SIAH2: variants seen among roughly 807,000 people sequenced by gnomAD.
SIAH2 encodes siah E3 ubiquitin protein ligase 2.
In SIAH2, 4 loss-of-function variants were observed where a neutral mutation model predicts 20.4. The ratio of observed to expected loss-of-function variants is 0.20; its 90% CI spans 0.10 to 0.45. The LOEUF is 0.45. SIAH2 is among the 20% of genes least tolerant of loss of function. SIAH2 has a pLI of 0.99. For synonymous variants in SIAH2, 171 were observed against 192.5 expected, an observed-to-expected ratio of 0.89 and a Z score of 0.93; for missense variants, 259 against 440.3, an observed-to-expected ratio of 0.59 and a Z score of 3.69.
At position 150,745,476 on chromosome 3, in the gene SIAH2, T is replaced by C. The variant is rs566148795; in HGVS notation, c.418-2778A>G. 2.6e-5 allele frequency among the ~76,000 whole-genome samples: 4 copies of C among 152,006 alleles called. No homozygotes were observed. In the East Asian group the frequency reaches 7.7e-4, roughly 29 times the overall value. On this transcript the variant is annotated intron_variant, in intron 1 of 1. Transcript: ENST00000312960. ...AGCAAAGCCAAGTCTCACTGGCCCCTGGCCTTGGGCTTGTGTTTTCTTTTC... is the reference window on the plus strand; with the variant it reads ...AGCAAAGCCAAGTCTCACTGGCCCCCGGCCTTGGGCTTGTGTTTTCTTTTC...
intron 1 of SIAH2, among the ~76,000 whole-genome samples, chr3:150,746,349 T>C (rs985414036): frequency 2.6e-5 from 4 of 152,048 alleles, no homozygotes; most frequent in African/African-American, 4.8e-5. Context: ...TGAGCTGAGA[T>C]CGTGCCACTG....
intron 1 of SIAH2, among the ~76,000 whole-genome samples, chr3:150,746,161 C>T (rs551805604): frequency 1.3e-5 from 2 of 152,116 alleles, no homozygotes; most frequent in South Asian, 2.1e-4. Flanking sequence ...GGGTAGGCTG[C>T]GGCAGGTGGA....
At chr3:150,760,455 A>G (rs923552693) in intron 1 of SIAH2, among the ~76,000 whole-genome samples, 6 of 152,068 alleles carry the variant, frequency 3.9e-5, no homozygotes, top group South Asian at 4.1e-4. Context: ...TCCCAGAACT[A>G]CTCTTCAAGG....
intron 1 of SIAH2, among the ~76,000 whole-genome samples, chr3:150,751,465 C>T (rs1385114857): frequency 6.6e-6 from 1 of 151,990 alleles, no homozygotes; most frequent in African/African-American, 2.4e-5. Context: ...ACCAATAGTG[C>T]AGTAACAGTT....
intron 1 of SIAH2, among the ~76,000 whole-genome samples, chr3:150,745,758 G>A (rs1337470988): frequency 3.3e-5 from 5 of 152,128 alleles, no homozygotes; most frequent in Non-Finnish European, 7.4e-5. Flanking sequence ...GCCTCCCAAA[G>A]TGCTGGGATT....
intron 1 of SIAH2, among the ~76,000 whole-genome samples, chr3:150,754,935 A>G (rs566878309): frequency 7.4e-4 from 112 of 152,312 alleles, no homozygotes; most frequent in Admixed American, 3.7e-3. Context: ...TCATTGGGAA[A>G]ATCTATGGGA....
Position 150,762,843 on chromosome 3 carries a change from G to T in SIAH2, c.7C>A (p.Arg3Ser). 8.3e-7 allele frequency: 1 copy of T among 1,210,182 alleles called. No individual in the cohort carries two copies. Among genetic ancestry groups the T allele is most frequent in the Non-Finnish European group, 1.0e-6 (1 of 960,154 alleles). 75.0% of individuals were successfully genotyped at this position (1,210,182 alleles called of 1,614,324 possible). The change falls in exon 1 of 2, where the codon CGC becomes AGC. Residue 3 changes from arginine (R) to serine (S), a missense_variant. Physicochemically the swap from Arg to Ser is moderately radical, Grantham distance 110. Around this residue, in one of 2 missense-constraint regions of SIAH2, gnomAD observed 99 missense variants for 112.7 expected, o/e 0.88. Coordinates refer to ENST00000312960, the MANE Select transcript of SIAH2 (RefSeq NM_005067.7). The surrounding 1 kb of genome is among the most constrained non-coding windows in gnomAD (Gnocchi z 6.6). The stretch of plus-strand genomic sequence containing the variant: ...GCGCTGGGGCCGGTGGAGGACGGGC[G>T]GCTCATCGCGCTCCGAACCAACCAT... MS[R>S]PSSTGPSANK...
chr3:150,760,412 C>T (rs1278059079), intron 1 of SIAH2, among the ~76,000 whole-genome samples: 1 of 152,218 alleles, frequency 6.6e-6, no homozygotes, highest in Non-Finnish European at 1.5e-5. Context: ...CAGAAAACCA[C>T]TGACATGTAC....
chr3:150,762,348 G>C lies in SIAH2; in HGVS notation c.417+85C>G. On this transcript the variant is annotated intron_variant, in intron 1 of 1. Coordinates refer to ENST00000312960, the MANE Select transcript of SIAH2 (RefSeq NM_005067.7). This position sits in a 1 kb window ranked among gnomAD's most constrained non-coding sequence, Gnocchi z 6.6. ...TTTTTTTAAATGAGAGATGCCGCCC[G>C]CCTCTCCGGGCCTGCGAGTGGGCTG... The C allele has an allele frequency of 6.7e-7, 1 of 1,498,968 alleles. No individual in the cohort carries two copies. Among genetic ancestry groups the C allele is most frequent in the Non-Finnish European group, 8.9e-7 (1 of 1,128,612 alleles). The allele number at this position is 1,498,968 out of a possible 1,614,324, so 92.9% of individuals were successfully genotyped here.
intron 1 of SIAH2, among the ~76,000 whole-genome samples, chr3:150,747,787 AAAAAAC>A (rs542369842): frequency 1.4e-4 from 22 of 152,006 alleles, no homozygotes; most frequent in African/African-American, 4.8e-4. Flanking sequence ...CTAAAAATAC[AAAAAAC>A]AAAAACAAAA....
At chr3:150,747,307 C>T (rs1714239480) in intron 1 of SIAH2, among the ~76,000 whole-genome samples, 1 of 152,214 alleles carries the variant, frequency 6.6e-6, no homozygotes, top group African/African-American at 2.4e-5. Flanking sequence ...TTAGGCCCTC[C>T]CAGCCTTCTC....
Position 150,754,002 on chromosome 3 carries a change from T to TA in SIAH2, c.417+8430dup, listed in dbSNP as rs1714428424. 2.0e-5 allele frequency among the ~76,000 whole-genome samples: 3 copies of TA among 152,216 alleles called. No homozygotes were observed. In the South Asian group the frequency reaches 6.2e-4, roughly 32 times the overall value. On this transcript the variant is annotated intron_variant, in intron 1 of 1. Transcript: ENST00000312960. Reference sequence around the variant, plus strand: ...CCTGATTAAATAACTCTGGTACTGTTATAGAACTGCAATATGTGGCCATTA... The same window carrying TA: ...CCTGATTAAATAACTCTGGTACTGTTAATAGAACTGCAATATGTGGCCATTA...
intron 1 of SIAH2, among the ~76,000 whole-genome samples, chr3:150,750,395 C>T (rs1182760548): frequency 6.6e-6 from 1 of 151,978 alleles, no homozygotes; most frequent in East Asian, 1.9e-4. Flanking sequence ...ATGTTTTCCA[C>T]CATGTTAATT....
intron 1 of SIAH2, among the ~76,000 whole-genome samples, chr3:150,751,428 GA>G (rs57886544): frequency 2.7e-5 from 4 of 146,974 alleles, no homozygotes; most frequent in East Asian, 2.0e-4. Context: ...TGTCTCTTAA[GA>G]AAAAAAAAAG....
At chr3:150,754,832 GA>G (rs1199484387) in intron 1 of SIAH2, among the ~76,000 whole-genome samples, 1 of 150,974 alleles carries the variant, frequency 6.6e-6, no homozygotes, top group Admixed American at 6.6e-5. Flanking sequence ...TTAAAGAAAT[GA>G]AAAAAAATCC....
chr3:150,760,004 T>C (rs977208375), intron 1 of SIAH2, among the ~76,000 whole-genome samples: 2 of 152,084 alleles, frequency 1.3e-5, no homozygotes, highest in Non-Finnish European at 1.5e-5. Context: ...AAAAAGGCAG[T>C]CCCATAATTT....
At chr3:150,747,821 G>A (rs560808346) in intron 1 of SIAH2, among the ~76,000 whole-genome samples, 4 of 151,956 alleles carry the variant, frequency 2.6e-5, no homozygotes, top group South Asian at 4.2e-4. Context: ...AAAATTAGCC[G>A]GTTGTGGTGG....
In SIAH2 at chr3:150,742,100, G is replaced by A; in HGVS notation, c.*41C>T. The A allele has an allele frequency of 6.5e-7, 1 of 1,539,050 alleles. No homozygotes were observed. The highest frequency in any genetic ancestry group is 8.9e-7 in the Non-Finnish European group (1 of 1,127,682). On this transcript the variant is annotated 3_prime_UTR_variant, in exon 2 of 2. Transcript: ENST00000312960. This position sits in a 1 kb window ranked among gnomAD's most constrained non-coding sequence, Gnocchi z 4.8. ...TATAAAAACCTTTATTAAACATAGA[G>A]CACTATGCCCAAATAATTTTGAAGG...
chr3:150,745,559 G>A (rs1005517662), intron 1 of SIAH2, among the ~76,000 whole-genome samples: 58 of 151,472 alleles, frequency 3.8e-4, no homozygotes, highest in African/African-American at 1.3e-3. Flanking sequence ...GCAGTGGCGC[G>A]ATCTCGGTTC....
Sources: allele counts gnomAD v4.1 joint callset (sites outside exome capture counted in the v4.1 genomes callset), GRCh38; gene constraint gnomAD v4.1.1; regional missense constraint gnomAD v4.1.1; non-coding constraint Gnocchi (gnomAD v3.1); transcripts MANE v1.5; gene names NCBI Gene and HGNC (gene_info 2026-07-23, HGNC 2026-07-21).